C11orf65: variants seen among roughly 807,000 people sequenced by gnomAD.
C11orf65 encodes protein MFI.
A neutral mutation model predicts 35.3 loss-of-function variants in C11orf65; 38 were observed. The ratio of observed to expected loss-of-function variants is 1.08; its 90% CI spans 0.83 to 1.41. C11orf65 has a LOEUF of 1.41. Among genes scored for constraint, C11orf65 ranks in the 40% most tolerant of loss-of-function variants. The pLI, the probability that C11orf65 is intolerant of heterozygous loss-of-function variation, is 0.00. For synonymous variants in C11orf65, 105 were observed against 114.4 expected (o/e 0.92, Z 0.53); for missense variants, 370 against 367.1 (o/e 1.01, Z -0.06).
intron 6 of C11orf65, among the ~76,000 whole-genome samples, chr11:108,402,867 G>A (rs1043065205): frequency 1.3e-5 from 2 of 151,882 alleles, no homozygotes; most frequent in East Asian, 1.9e-4. Flanking sequence ...TATTTCATTC[G>A]GCATTATTTT....
chr11:108,402,467 C>T (rs1334993779), intron 6 of C11orf65, among the ~76,000 whole-genome samples: 2 of 152,086 alleles, frequency 1.3e-5, no homozygotes, highest in African/African-American at 4.8e-5. Flanking sequence ...CAATGGAACC[C>T]AGGGTTGCCC....
At chr11:108,408,712 A>AAAT (rs1459402192) in intron 3 of C11orf65, among the ~76,000 whole-genome samples, 2 of 134,988 alleles carry the variant, frequency 1.5e-5, no homozygotes, top group East Asian at 2.1e-4. Flanking sequence ...ATAAAATAAA[A>AAAT]TAAAATAAAA....
chr11:108,351,464 C>T (rs1247142963), intron 2 of C11orf65, among the ~76,000 whole-genome samples: 1 of 152,228 alleles, frequency 6.6e-6, no homozygotes, highest in Non-Finnish European at 1.5e-5. Flanking sequence ...ATTATTATCT[C>T]TCATAGTCTG....
intron 2 of C11orf65, among the ~76,000 whole-genome samples, chr11:108,338,981 T>C (rs978449270): frequency 1.2e-4 from 19 of 152,166 alleles, no homozygotes; most frequent in African/African-American, 2.7e-4. Context: ...AGAGCATACA[T>C]TGACTACCTG....
At chr11:108,348,241 A>C (rs1460003610) in intron 2 of C11orf65, among the ~76,000 whole-genome samples, 3 of 151,866 alleles carry the variant, frequency 2.0e-5, no homozygotes, top group African/African-American at 7.3e-5. Flanking sequence ...TAGACAGTTT[A>C]ATATAAAAGA....
chr11:108,456,782 G>GA (rs992071306), intron 2 of C11orf65, among the ~76,000 whole-genome samples: 74 of 127,884 alleles, frequency 5.8e-4, no homozygotes, highest in African/African-American at 1.0e-3. Flanking sequence ...ATCAAAGAAA[G>GA]AAAAAAAAAA....
At chr11:108,369,658 C>T (rs1249728372) in intron 2 of C11orf65, among the ~76,000 whole-genome samples, 6 of 152,034 alleles carry the variant, frequency 3.9e-5, no homozygotes, top group Non-Finnish European at 8.8e-5. Flanking sequence ...ATCCCTTTGC[C>T]ATTAAAAGTA....
chr11:108,412,328 AACAAACAGGAAACAATTACAAAT>A (rs1001221668), intron 3 of C11orf65, among the ~76,000 whole-genome samples: 1 of 152,122 alleles, frequency 6.6e-6, no homozygotes, highest in African/African-American at 2.4e-5. Context: ...AAACAATGGC[AACAAACAGGAAACAATTACAAAT>A]ACAATAAATA....
intron 2 of C11orf65, among the ~76,000 whole-genome samples, chr11:108,360,008 G>A (rs1215289555): frequency 6.6e-6 from 1 of 151,858 alleles, no homozygotes; most frequent in Non-Finnish European, 1.5e-5. Context: ...GAATCCAGGA[G>A]CTGGTTTTTT....
At chr11:108,465,070 G>A (rs2135799722) in intron 1 of C11orf65, among the ~76,000 whole-genome samples, 1 of 152,266 alleles carries the variant, frequency 6.6e-6, no homozygotes, top group South Asian at 2.1e-4. Flanking sequence ...TGTTATCAAT[G>A]TAGTGTGTGT....
At chr11:108,312,254 C>A (rs2084228284) in intron 6 of C11orf65, among the ~76,000 whole-genome samples, 1 of 152,080 alleles carries the variant, frequency 6.6e-6, no homozygotes, top group African/African-American at 2.4e-5. Context: ...CTTTTCCATC[C>A]TAGGTATAAA....
At chr11:108,327,147 T>C (rs575370496), downstream of C11orf65, among the ~76,000 whole-genome samples, 1 of 152,244 alleles carries the variant, frequency 6.6e-6, no homozygotes, top group East Asian at 1.9e-4. Context: ...CTTTTTGATG[T>C]TGGGCACTCA....
chr11:108,371,041 T>G (rs976247587), intron 2 of C11orf65, among the ~76,000 whole-genome samples: 7 of 152,172 alleles, frequency 4.6e-5, no homozygotes, highest in Non-Finnish European at 8.8e-5. Flanking sequence ...ATAGACACAT[T>G]GCTGATTTGA....
intron 6 of C11orf65, among the ~76,000 whole-genome samples, chr11:108,400,762 T>G (rs1565648625): frequency 6.6e-6 from 1 of 152,128 alleles, no homozygotes; most frequent in Non-Finnish European, 1.5e-5. Context: ...CTTTCCCCAC[T>G]GTCATCTCCA....
At chr11:108,343,652 C>T (rs1268532136) in intron 2 of C11orf65, among the ~76,000 whole-genome samples, 1 of 152,014 alleles carries the variant, frequency 6.6e-6, no homozygotes, top group African/African-American at 2.4e-5. Flanking sequence ...TCTTAGCAAA[C>T]AAAACACTAA....
chr11:108,368,738 C>T (rs3092852), intron 2 of C11orf65: 8 of 213,600 alleles, frequency 3.7e-5, no homozygotes, highest in Admixed American at 2.3e-4. Context: ...AGCTTTCCCA[C>T]CCTACTTTGT....
chr11:108,404,675 T>G (rs1013645746), intron 6 of C11orf65, among the ~76,000 whole-genome samples: 6 of 151,662 alleles, frequency 4.0e-5, no homozygotes, highest in African/African-American at 1.2e-4. Flanking sequence ...GTGATCTGCC[T>G]GCCTCAGCCT....
chr11:108,417,082 C>T (rs2092744470), intron 3 of C11orf65, among the ~76,000 whole-genome samples: 1 of 151,972 alleles, frequency 6.6e-6, no homozygotes, highest in Admixed American at 6.6e-5. Context: ...CCATAGAAGG[C>T]CATAACATGT....
chr11:108,328,910 G>A, downstream of C11orf65: 3 of 1,163,258 alleles, frequency 2.6e-6, no homozygotes, highest in Non-Finnish European at 3.7e-6. Context: ...AATTTAGCTA[G>A]CTTTTATATG....
Sources: gnomAD v4.1 joint callset for allele counts (sites outside exome capture counted in the v4.1 genomes callset) on GRCh38, gnomAD v4.1.1 for gene constraint, MANE v1.5 for transcripts, NCBI Gene and HGNC (gene_info 2026-07-23, HGNC 2026-07-21) for gene names.